AFG1L: variants seen among roughly 807,000 people sequenced by gnomAD.
AFG1L encodes AFG1-like ATPase.
In AFG1L, 53 loss-of-function variants were observed where a neutral mutation model predicts 62.2. The ratio of observed to expected loss-of-function variants is 0.85; its 90% CI spans 0.68 to 1.07. The LOEUF (loss-of-function observed/expected upper bound fraction) is 1.07, where lower values mean the gene tolerates loss of function less well. AFG1L is among the 50% of genes least tolerant of loss of function. The pLI is 0.00. For synonymous variants in AFG1L, 228 were observed against 210.3 expected (o/e 1.08, Z -0.73); for missense variants, 555 against 590.5 (o/e 0.94, Z 0.62).
chr6:108,522,304 CAGA>C lies in AFG1L; in HGVS notation c.1328_1330del (p.Glu443del), dbSNP rs773980689. 28 of 1,613,004 alleles carry C rather than the reference CAGA, an allele frequency of 1.7e-5. No individual in the cohort carries two copies. In the Admixed American group the frequency reaches 2.2e-4, roughly 12 times the overall value. Reference sequence around the variant, plus strand: ...TCTTTGTTTTATAACCAGGATTCAGCAGAAGGACTCTCCATGTTTACCGGAGAA... The same window carrying C: ...TCTTTGTTTTATAACCAGGATTCAGCAGGACTCTCCATGTTTACCGGAGAA... On this transcript the variant is annotated inframe_deletion, in exon 13 of 13. Coordinates refer to ENST00000368977, the MANE Select transcript of AFG1L (RefSeq NM_145315.5).
intron 1 of AFG1L, among the ~76,000 whole-genome samples, chr6:108,303,925 A>T (rs1299320695): frequency 2.0e-5 from 3 of 152,226 alleles, no homozygotes; most frequent in African/African-American, 7.2e-5. Flanking sequence ...ATGCTGGGCC[A>T]TGCCTGTAAT....
intron 7 of AFG1L, among the ~76,000 whole-genome samples, chr6:108,428,319 A>G (rs1237258609): frequency 1.3e-5 from 2 of 152,170 alleles, no homozygotes; most frequent in Non-Finnish European, 2.9e-5. Context: ...CATGGTGTAT[A>G]TATATACCAC....
chr6:108,457,654 T>C (rs1179420365), intron 8 of AFG1L, among the ~76,000 whole-genome samples: 1 of 152,138 alleles, frequency 6.6e-6, no homozygotes, highest in Non-Finnish European at 1.5e-5. Flanking sequence ...AGAAAAAGTC[T>C]TTTAATTTAC....
chr6:108,486,564 G>C (rs1014085324), intron 10 of AFG1L, among the ~76,000 whole-genome samples: 1 of 152,124 alleles, frequency 6.6e-6, no homozygotes, highest in Middle Eastern at 3.2e-3. Flanking sequence ...GAGCAAAGGA[G>C]CCATAATATC....
chr6:108,522,000 T>A (rs1775143707), intron 12 of AFG1L: 1 of 231,752 alleles, frequency 4.3e-6, no homozygotes, highest in African/African-American at 2.3e-5. Context: ...CCAGCCTCTT[T>A]CTAGCTTCTC....
At chr6:108,349,413 G>A (rs554675710) in intron 3 of AFG1L, among the ~76,000 whole-genome samples, 3 of 152,248 alleles carry the variant, frequency 2.0e-5, no homozygotes, top group Non-Finnish European at 4.4e-5. Context: ...GAGCCTAGGA[G>A]GTCAAGGCTG....
intron 2 of AFG1L, among the ~76,000 whole-genome samples, chr6:108,327,794 G>C (rs1227473993): frequency 6.6e-6 from 1 of 152,136 alleles, no homozygotes; most frequent in Admixed American, 6.6e-5. Context: ...AATTCTCTCT[G>C]TGTGTCTGTA....
chr6:108,462,760 G>A (rs1434169621), intron 8 of AFG1L, among the ~76,000 whole-genome samples: 1 of 152,154 alleles, frequency 6.6e-6, no homozygotes, highest in East Asian at 1.9e-4. Context: ...ATCTAGTAGA[G>A]TGTAAATAAT....
At chr6:108,404,930 A>G (rs1367216858) in intron 7 of AFG1L, among the ~76,000 whole-genome samples, 1 of 151,986 alleles carries the variant, frequency 6.6e-6, no homozygotes, top group Non-Finnish European at 1.5e-5. Context: ...GGGTTTCACC[A>G]TGTTGGCCAG....
chr6:108,455,406 C>T (rs1384467387), intron 8 of AFG1L, among the ~76,000 whole-genome samples: 3 of 152,156 alleles, frequency 2.0e-5, no homozygotes, highest in Non-Finnish European at 2.9e-5. Flanking sequence ...ATCATGCTTA[C>T]TGCAGTTTTA....
intron 2 of AFG1L, among the ~76,000 whole-genome samples, chr6:108,341,909 C>T (rs1289810225): frequency 3.3e-5 from 5 of 152,058 alleles, no homozygotes; most frequent in African/African-American, 2.4e-5. Flanking sequence ...TCTAATGTTA[C>T]GTGTGTGCAT....
At chr6:108,358,012 G>A (rs1299100978) in intron 5 of AFG1L, among the ~76,000 whole-genome samples, 1 of 152,192 alleles carries the variant, frequency 6.6e-6, no homozygotes, top group Non-Finnish European at 1.5e-5. Flanking sequence ...ACTCACCTTT[G>A]TATTTGGAAC....
chr6:108,311,989 C>G (rs769584667), intron 1 of AFG1L, among the ~76,000 whole-genome samples: 1 of 151,892 alleles, frequency 6.6e-6, no homozygotes, highest in Non-Finnish European at 1.5e-5. Flanking sequence ...CTCAGCCTCC[C>G]GAGTAGCTGG....
At chr6:108,472,790 T>TTTTTC (rs575800567) in intron 8 of AFG1L, among the ~76,000 whole-genome samples, 7 of 149,196 alleles carry the variant, frequency 4.7e-5, no homozygotes, top group East Asian at 4.0e-4. Flanking sequence ...CCCTCCTTTC[T>TTTTTC]TTTTCTTTTC....
chr6:108,357,885 A>C (rs568123242), intron 5 of AFG1L, among the ~76,000 whole-genome samples: 46 of 152,350 alleles, frequency 3.0e-4, no homozygotes, highest in African/African-American at 1.0e-3. Context: ...AGCTAACAAT[A>C]GTCTAGATTT....
At chr6:108,375,063 C>T (rs555192951) in intron 6 of AFG1L, among the ~76,000 whole-genome samples, 6 of 151,998 alleles carry the variant, frequency 3.9e-5, no homozygotes, top group Non-Finnish European at 8.8e-5. Context: ...TAGATGTATT[C>T]GTAGGCATTT....
intron 3 of AFG1L, among the ~76,000 whole-genome samples, chr6:108,349,377 G>A (rs1056691162): frequency 6.6e-6 from 1 of 152,060 alleles, no homozygotes; most frequent in Non-Finnish European, 1.5e-5. Context: ...CCAATTACTC[G>A]AGAGGCTAAG....
chr6:108,353,058 T>C (rs960350256), intron 3 of AFG1L, among the ~76,000 whole-genome samples: 2 of 152,184 alleles, frequency 1.3e-5, no homozygotes, highest in Non-Finnish European at 2.9e-5. Context: ...CTGTGAATAT[T>C]GAAGTGTAAA....
chr6:108,403,857 AT>A (rs1193719733), intron 7 of AFG1L, among the ~76,000 whole-genome samples: 2 of 151,912 alleles, frequency 1.3e-5, no homozygotes, highest in African/African-American at 2.4e-5. Flanking sequence ...ACTTCAATAT[AT>A]AATAGCAGTA....
Sources: gnomAD v4.1 joint callset for allele counts (sites outside exome capture counted in the v4.1 genomes callset) on GRCh38, gnomAD v4.1.1 for gene constraint, MANE v1.5 for transcripts, NCBI Gene and HGNC (gene_info 2026-07-23, HGNC 2026-07-21) for gene names.